MCF2L2: variants seen among roughly 807,000 people sequenced by gnomAD.
The protein encoded by MCF2L2 is MCF.2 cell line derived transforming sequence-like 2.
A neutral mutation model predicts 150.2 loss-of-function variants in MCF2L2; 102 were observed. The observed-to-expected ratio is 0.68, with a 90% CI of 0.58 to 0.80. The LOEUF is 0.80. MCF2L2 is among the 30% of genes least tolerant of loss of function. The pLI, the probability that MCF2L2 is intolerant of heterozygous loss-of-function variation, is 0.00. For synonymous variants in MCF2L2, 465 were observed against 491.3 expected (o/e 0.95, Z 0.71); for missense variants, 1,256 against 1,372.8 (o/e 0.91, Z 1.34).
At chr3:183,400,861 A>T (rs951266939) in intron 1 of MCF2L2, among the ~76,000 whole-genome samples, 1 of 152,212 alleles carries the variant, frequency 6.6e-6, no homozygotes, top group East Asian at 1.9e-4. Flanking sequence ...ATTTAAAAAA[A>T]AAATAAAAAC....
At chr3:183,391,392 C>T (rs759441963) in intron 1 of MCF2L2, among the ~76,000 whole-genome samples, 5 of 152,076 alleles carry the variant, frequency 3.3e-5, no homozygotes, top group Non-Finnish European at 7.4e-5. Context: ...CTTCTTCATC[C>T]CAATACCACT....
intron 2 of MCF2L2, among the ~76,000 whole-genome samples, chr3:183,389,077 T>G (rs1258244638): frequency 2.0e-5 from 3 of 152,250 alleles, no homozygotes; most frequent in Non-Finnish European, 4.4e-5. Flanking sequence ...ATTTGGGGTT[T>G]GGCATGTACT....
chr3:183,220,954 G>A (rs899389410), intron 20 of MCF2L2, among the ~76,000 whole-genome samples: 21 of 152,000 alleles, frequency 1.4e-4, no homozygotes, highest in Non-Finnish European at 1.5e-4. Context: ...GTCTTTAATG[G>A]TATAAGCTAT....
intron 10 of MCF2L2, among the ~76,000 whole-genome samples, chr3:183,302,341 C>CG: frequency 6.6e-6 from 1 of 152,246 alleles, no homozygotes; most frequent in East Asian, 1.9e-4. Flanking sequence ...GTCTTGGGAG[C>CG]GCTCTGCATA....
chr3:183,401,126 G>A (rs1184639686), intron 1 of MCF2L2, among the ~76,000 whole-genome samples: 1 of 147,396 alleles, frequency 6.8e-6, no homozygotes, highest in Non-Finnish European at 1.5e-5. Context: ...ATGTGATCAA[G>A]AGCCTACTCA....
intron 27 of MCF2L2, among the ~76,000 whole-genome samples, chr3:183,187,113 G>A (rs1203448511): frequency 1.3e-5 from 2 of 152,000 alleles, no homozygotes; most frequent in East Asian, 3.9e-4. Flanking sequence ...AAATACTAGA[G>A]TGCCCCAATA....
At chr3:183,249,365 T>C (rs191265580) in intron 15 of MCF2L2, among the ~76,000 whole-genome samples, 290 of 152,332 alleles carry the variant, frequency 1.9e-3, no homozygotes, top group African/African-American at 6.6e-3. Context: ...ACAGCTCTAC[T>C]GGACCAGGGA....
At chr3:183,193,131 G>A in intron 26 of MCF2L2, 35 bp from the exon 27 acceptor site, 1 of 1,560,746 alleles carries the variant, frequency 6.4e-7, no homozygotes, top group Non-Finnish European at 8.8e-7. Flanking sequence ...TGAGTCACTG[G>A]AAGGAATGAC....
intron 1 of MCF2L2, among the ~76,000 whole-genome samples, chr3:183,404,882 A>C (rs865833799): frequency 1.3e-5 from 2 of 152,136 alleles, no homozygotes; most frequent in Non-Finnish European, 2.9e-5. Context: ...AAGAAAAAAA[A>C]AATCTGAAAT....
At chr3:183,328,992 C>A (rs1730160982) in intron 5 of MCF2L2, among the ~76,000 whole-genome samples, 1 of 152,098 alleles carries the variant, frequency 6.6e-6, no homozygotes, top group Admixed American at 6.5e-5. Flanking sequence ...CACAACATGC[C>A]TATTAAATGA....
intron 11 of MCF2L2, chr3:183,297,656 C>CTTCCTTCCTTCCTTCCTTCCTTCCTTCCT (rs1728600755): frequency 1.8e-5 from 2 of 111,294 alleles, no homozygotes; most frequent in African/African-American, 7.4e-5. Flanking sequence ...TCCTTCCTTC[C>CTTCCTTCCTTCCTTCCTTCCTTCCTTCCT]TTCCTTCCTT....
chr3:183,182,053 A>C (rs1341677813), intron 27 of MCF2L2, among the ~76,000 whole-genome samples: 3 of 152,134 alleles, frequency 2.0e-5, no homozygotes, highest in Admixed American at 6.5e-5. Flanking sequence ...GAAGCGGGGA[A>C]GGGAAGGGGG....
chr3:183,293,629 A>C (rs1182666317), intron 13 of MCF2L2, among the ~76,000 whole-genome samples: 1 of 152,254 alleles, frequency 6.6e-6, no homozygotes, highest in East Asian at 1.9e-4. Context: ...TCATACTTAA[A>C]GATGAAACTT....
At chr3:183,192,163 C>T (rs1273859744) in intron 27 of MCF2L2, among the ~76,000 whole-genome samples, 1 of 151,262 alleles carries the variant, frequency 6.6e-6, no homozygotes, top group Non-Finnish European at 1.5e-5. Flanking sequence ...TTTTTTCAGA[C>T]AGAGTCTCAC....
chr3:183,253,172 G>A (rs1328234789), intron 15 of MCF2L2: 1 of 104,740 alleles, frequency 9.5e-6, no homozygotes, highest in Admixed American at 1.0e-4. Context: ...GGCGGGGCCG[G>A]GCTCGGGCCG....
chr3:183,384,035 G>A (rs576912605), intron 2 of MCF2L2, among the ~76,000 whole-genome samples: 4 of 152,314 alleles, frequency 2.6e-5, no homozygotes, highest in Admixed American at 1.3e-4. Context: ...AAACTCAAAG[G>A]AGCCTTCATT....
intron 7 of MCF2L2, among the ~76,000 whole-genome samples, chr3:183,314,907 CTTTT>C (rs869078971): frequency 7.2e-5 from 1 of 13,802 alleles, no homozygotes; most frequent in Non-Finnish European, 1.3e-4. Context: ...TTTTTCTTTT[CTTTT>C]TTTTTTTTTT....
chr3:183,216,788 A>G (rs1722961606), intron 21 of MCF2L2, among the ~76,000 whole-genome samples: 1 of 149,556 alleles, frequency 6.7e-6, no homozygotes, highest in African/African-American at 2.5e-5. Context: ...TATTTTTAGT[A>G]GAGACGGAGT....
At chr3:183,328,437 G>C (rs1730138685) in intron 5 of MCF2L2, among the ~76,000 whole-genome samples, 3 of 151,934 alleles carry the variant, frequency 2.0e-5, no homozygotes, top group Non-Finnish European at 2.9e-5. Flanking sequence ...CTCAACTTGT[G>C]GGATCTGATG....
Sources: allele counts gnomAD v4.1 joint callset (sites outside exome capture counted in the v4.1 genomes callset), GRCh38; gene constraint gnomAD v4.1.1; transcripts MANE v1.5; gene names NCBI Gene and HGNC (gene_info 2026-07-23, HGNC 2026-07-21).